The following TMEM132C variants were observed in gnomAD, a reference collection of about 807,000 sequenced individuals.
TMEM132C encodes protein phosphatase 1, regulatory subunit 152.
TMEM132C carries 29 observed loss-of-function variants against 61.4 expected under a neutral mutation model. The observed-to-expected ratio is 0.47, with a 90% CI of 0.35 to 0.64. The LOEUF (loss-of-function observed/expected upper bound fraction) is 0.64, where lower values mean the gene tolerates loss of function less well. Ranked by LOEUF, TMEM132C falls within the 30% of genes least tolerant of loss-of-function variation. TMEM132C has a pLI of 0.00. For missense variants in TMEM132C, 1,408 were observed against 1,476.9 expected (o/e 0.95, Z 0.76); for synonymous variants, 656 against 633.1 (o/e 1.04, Z -0.54).
intron 1 of TMEM132C, among the ~76,000 whole-genome samples, chr12:128,315,936 G>A (rs1047551992): frequency 2.0e-5 from 3 of 151,958 alleles, no homozygotes; most frequent in Non-Finnish European, 4.4e-5. Flanking sequence ...AGGGCCCTAA[G>A]AGCGAGTGTG....
intron 1 of TMEM132C, among the ~76,000 whole-genome samples, chr12:128,314,928 C>A (rs1565898658): frequency 6.6e-6 from 1 of 152,194 alleles, no homozygotes; most frequent in African/African-American, 2.4e-5. Flanking sequence ...ACAGAGCTCA[C>A]ATTCCAGCTG....
intron 1 of TMEM132C, among the ~76,000 whole-genome samples, chr12:128,374,985 C>T (rs1365569131): frequency 2.0e-5 from 1 of 50,476 alleles, no homozygotes; most frequent in Non-Finnish European, 7.5e-5. Flanking sequence ...GGATGAAAAC[C>T]ATTCCCAGCC....
intron 1 of TMEM132C, among the ~76,000 whole-genome samples, chr12:128,315,986 A>G (rs1468662106): frequency 2.0e-5 from 3 of 151,942 alleles, no homozygotes; most frequent in African/African-American, 7.2e-5. Flanking sequence ...GGCCCCCAGA[A>G]TAGTGAGAGA....
At chr12:128,657,542 G>A (rs1441050482) in intron 4 of TMEM132C, among the ~76,000 whole-genome samples, 1 of 152,122 alleles carries the variant, frequency 6.6e-6, no homozygotes, top group East Asian at 1.9e-4. Context: ...ATCCTGCCAT[G>A]GGGTGATGCC....
intron 2 of TMEM132C, among the ~76,000 whole-genome samples, chr12:128,537,831 T>C (rs150234351): frequency 1.3e-5 from 2 of 152,248 alleles, no homozygotes; most frequent in African/African-American, 4.8e-5. Flanking sequence ...AATAGTAATA[T>C]GCCTATATCA....
chr12:128,436,424 A>T (rs1444596206), intron 2 of TMEM132C, among the ~76,000 whole-genome samples: 1 of 152,222 alleles, frequency 6.6e-6, no homozygotes, highest in African/African-American at 2.4e-5. Context: ...AATATCCAGA[A>T]TCTACAAAGA....
At chr12:128,691,533 C>T (rs1245643823) in intron 5 of TMEM132C, among the ~76,000 whole-genome samples, 1 of 152,226 alleles carries the variant, frequency 6.6e-6, no homozygotes, top group African/African-American at 2.4e-5. Flanking sequence ...CCCATCCATC[C>T]ATCTTTCCAT....
chr12:128,449,455 G>T lies in TMEM132C; in HGVS notation c.974+33835G>T, dbSNP rs1336034476. 2.6e-5 allele frequency among the ~76,000 whole-genome samples: 4 copies of T among 152,306 alleles called. No homozygotes were observed. In the East Asian group the frequency reaches 7.7e-4, roughly 29 times the overall value. ...GTTAATTGTGTTAACCTACTCCACTGCTAGAAACAAGTAGACCAGATAACT... is the reference window on the plus strand; with the variant it reads ...GTTAATTGTGTTAACCTACTCCACTTCTAGAAACAAGTAGACCAGATAACT... On this transcript the variant is annotated intron_variant, in intron 2 of 8. Coordinates refer to ENST00000435159, the MANE Select transcript of TMEM132C (RefSeq NM_001136103.3).
At chr12:128,355,941 G>A (rs1412202919) in intron 1 of TMEM132C, among the ~76,000 whole-genome samples, 5 of 152,066 alleles carry the variant, frequency 3.3e-5, no homozygotes, top group Admixed American at 6.6e-5. Context: ...ATCCTGTCAC[G>A]GTGTATTTTA....
At chr12:128,486,032 G>A (rs973898803) in intron 2 of TMEM132C, among the ~76,000 whole-genome samples, 2 of 152,116 alleles carry the variant, frequency 1.3e-5, no homozygotes, top group Admixed American at 6.5e-5. Context: ...TTTAGGAGAC[G>A]GGGACTGACA....
chr12:128,565,817 A>G (rs1258069338), intron 3 of TMEM132C, among the ~76,000 whole-genome samples: 3 of 151,992 alleles, frequency 2.0e-5, no homozygotes, highest in Admixed American at 1.3e-4. Context: ...CATAAATTCC[A>G]TAGTTTGACT....
intron 2 of TMEM132C, among the ~76,000 whole-genome samples, chr12:128,446,668 C>T (rs1012664501): frequency 2.6e-5 from 4 of 152,170 alleles, no homozygotes; most frequent in Non-Finnish European, 4.4e-5. Context: ...CTGTCTTTGT[C>T]CTTGATTGCT....
intron 1 of TMEM132C, among the ~76,000 whole-genome samples, chr12:128,331,676 A>T (rs895302204): frequency 1.3e-5 from 2 of 152,320 alleles, no homozygotes; most frequent in African/African-American, 4.8e-5. Flanking sequence ...TCATTCATTC[A>T]TGGGTAGTTA....
chr12:128,317,516 T>C (rs1347515021), intron 1 of TMEM132C, among the ~76,000 whole-genome samples: 2 of 152,220 alleles, frequency 1.3e-5, no homozygotes, highest in African/African-American at 2.4e-5. Context: ...ATAGTCTACA[T>C]TTCTTTTCTG....
intron 1 of TMEM132C, among the ~76,000 whole-genome samples, chr12:128,342,906 C>T (rs1162355507): frequency 1.3e-5 from 2 of 152,210 alleles, no homozygotes; most frequent in East Asian, 3.9e-4. Flanking sequence ...GCATTGACTG[C>T]ACAGTGCAGA....
chr12:128,671,349 A>G (rs1175520845), intron 5 of TMEM132C, among the ~76,000 whole-genome samples: 1 of 152,190 alleles, frequency 6.6e-6, no homozygotes, highest in Non-Finnish European at 1.5e-5. Flanking sequence ...TCATGATGCT[A>G]CACCACAATG....
chr12:128,592,439 T>C (rs1875786600), intron 3 of TMEM132C, among the ~76,000 whole-genome samples: 1 of 152,178 alleles, frequency 6.6e-6, no homozygotes, highest in Non-Finnish European at 1.5e-5. Flanking sequence ...GTTCAGTGGA[T>C]GGACAAATGA....
At chr12:128,533,956 C>T (rs1593089584) in intron 2 of TMEM132C, among the ~76,000 whole-genome samples, 1 of 137,774 alleles carries the variant, frequency 7.3e-6, no homozygotes, top group African/African-American at 2.5e-5. Flanking sequence ...CATACACACA[C>T]ACACACACAC....
intron 1 of TMEM132C, among the ~76,000 whole-genome samples, chr12:128,398,632 T>A (rs1361572622): frequency 6.6e-6 from 1 of 152,236 alleles, no homozygotes; most frequent in Non-Finnish European, 1.5e-5. Flanking sequence ...AAATTCTGAT[T>A]TCAGAATTCT....
Sources: gnomAD v4.1 joint callset for allele counts (sites outside exome capture counted in the v4.1 genomes callset) on GRCh38, gnomAD v4.1.1 for gene constraint, MANE v1.5 for transcripts, NCBI Gene and HGNC (gene_info 2026-07-23, HGNC 2026-07-21) for gene names.